CERK: variants seen among roughly 807,000 people sequenced by gnomAD.
CERK encodes the protein ceramide kinase.
CERK carries 39 observed loss-of-function variants against 63.4 expected under a neutral mutation model. The ratio of observed to expected loss-of-function variants is 0.61; its 90% CI spans 0.48 to 0.80. The LOEUF is 0.80. Among genes scored for constraint, CERK ranks in the 30% least tolerant of loss-of-function variants. CERK has a pLI of 0.00. For missense variants in CERK, 670 were observed against 714.1 expected (o/e 0.94, Z 0.70); for synonymous variants, 302 against 280.0 (o/e 1.08, Z -0.78).
At chr22:46,692,579 G>A (rs1370999086) in intron 10 of CERK, among the ~76,000 whole-genome samples, 1 of 152,062 alleles carries the variant, frequency 6.6e-6, no homozygotes, top group African/African-American at 2.4e-5. Context: ...TCCAGCCTGG[G>A]TGATGGAACA....
chr22:46,720,528 T>C (rs1485120029), intron 2 of CERK, among the ~76,000 whole-genome samples: 1 of 151,832 alleles, frequency 6.6e-6, no homozygotes, highest in Non-Finnish European at 1.5e-5. Flanking sequence ...AACCCCGTCT[T>C]TACTTAAAAT....
At chr22:46,698,785 C>T (rs2082768803) in intron 8 of CERK, among the ~76,000 whole-genome samples, 1 of 151,822 alleles carries the variant, frequency 6.6e-6, no homozygotes, top group African/African-American at 2.4e-5. Context: ...CCTGTAGTCC[C>T]AGCTACTCGG....
chr22:46,714,172 G>A lies in CERK; in HGVS notation c.380-1879C>T, dbSNP rs1023961857. Among the ~76,000 whole-genome samples the A allele has an allele frequency of 1.3e-5, 2 of 152,240 alleles. No homozygotes were observed. Among genetic ancestry groups the A allele is most frequent in the Non-Finnish European group, 2.9e-5 (2 of 68,048 alleles). On this transcript the variant is annotated intron_variant, in intron 3 of 12. Transcript: ENST00000216264. The surrounding 1 kb of genome is among the most constrained non-coding windows in gnomAD (Gnocchi z 4.4). Reference sequence around the variant, plus strand: ...TGTAATTCCAGCTGCTCAGGAGGCTGAGGCAGGAGAATCACTTGAACCCAG... The same window carrying A: ...TGTAATTCCAGCTGCTCAGGAGGCTAAGGCAGGAGAATCACTTGAACCCAG...
chr22:46,725,538 A>G (rs1396141590), intron 1 of CERK, among the ~76,000 whole-genome samples: 1 of 152,230 alleles, frequency 6.6e-6, no homozygotes, highest in Non-Finnish European at 1.5e-5. Flanking sequence ...AACACACCTG[A>G]CCCAGGTGGA....
intron 1 of CERK, among the ~76,000 whole-genome samples, chr22:46,724,448 C>T (rs2146586291): frequency 6.6e-6 from 1 of 152,288 alleles, no homozygotes; most frequent in South Asian, 2.1e-4. Flanking sequence ...CTGGGTGCGG[C>T]TCAGGACAAG....
At chr22:46,701,597 C>CCGGCTG (rs1319503537) in intron 7 of CERK, 39 bp downstream of exon 7, 9 of 1,534,102 alleles carry the variant, frequency 5.9e-6, no homozygotes, top group Non-Finnish European at 7.9e-6. Flanking sequence ...CGCAGGAGGC[C>CCGGCTG]CGGCTGCCAC....
chr22:46,703,535 C>G (rs2082797976), intron 6 of CERK, among the ~76,000 whole-genome samples: 1 of 152,164 alleles, frequency 6.6e-6, no homozygotes, highest in African/African-American at 2.4e-5. Flanking sequence ...CCAGGCTGCT[C>G]CCCAGGTTGC....
At chr22:46,724,614 A>AG (rs1189356123) in intron 1 of CERK, among the ~76,000 whole-genome samples, 4 of 152,180 alleles carry the variant, frequency 2.6e-5, no homozygotes, top group African/African-American at 9.7e-5. Context: ...CATGGTGTAA[A>AG]GGGGGTGGAG....
chr22:46,710,818 G>A (rs135700), intron 5 of CERK, among the ~76,000 whole-genome samples: 25,025 of 152,212 alleles, frequency 0.16, 2,542 homozygotes, highest in Middle Eastern at 0.32. Flanking sequence ...TGTCTACACA[G>A]CACCGCATAA....
intron 11 of CERK, among the ~76,000 whole-genome samples, chr22:46,691,134 G>T (rs1438576879): frequency 1.3e-5 from 2 of 151,960 alleles, no homozygotes. Context: ...GAGTGCAGTT[G>T]CGTGATCTCA....
rs570623524 is a variant in CERK at position 46,720,404 on chromosome 22, A to G, written c.257-196T>C. On this transcript the variant is annotated intron_variant, in intron 2 of 12. Coordinates refer to ENST00000216264, the MANE Select transcript of CERK (RefSeq NM_022766.6). Reference sequence around the variant, plus strand: ...ATCTTTCAAACCTTTTAAGTCATATAAGGGAAAAGGGCTGGCTGTGATGAC... The same window carrying G: ...ATCTTTCAAACCTTTTAAGTCATATGAGGGAAAAGGGCTGGCTGTGATGAC... Among the ~76,000 whole-genome samples the G allele has an allele frequency of 2.6e-5, 4 of 152,316 alleles. No individual in the cohort carries two copies. The East Asian group carries it at 7.7e-4, about 29-fold the overall frequency.
At chr22:46,717,649 C>T (rs955377612) in intron 3 of CERK, among the ~76,000 whole-genome samples, 2 of 152,232 alleles carry the variant, frequency 1.3e-5, no homozygotes, top group Non-Finnish European at 2.9e-5. Flanking sequence ...AGCAGTGGTT[C>T]CCCTTTGGGG....
chr22:46,690,416 G>T (rs549807477), intron 11 of CERK, among the ~76,000 whole-genome samples: 1 of 151,746 alleles, frequency 6.6e-6, no homozygotes, highest in East Asian at 1.9e-4. Context: ...CACCTTTCCC[G>T]GCGCCCACCT....
At chr22:46,708,330 C>T (rs1332588800) in intron 5 of CERK, among the ~76,000 whole-genome samples, 1 of 152,240 alleles carries the variant, frequency 6.6e-6, no homozygotes, top group Non-Finnish European at 1.5e-5. Flanking sequence ...GAAGAGTACA[C>T]CTGTGCTGCT....
chr22:46,726,345 A>G (rs544932768), intron 1 of CERK, among the ~76,000 whole-genome samples: 2 of 152,290 alleles, frequency 1.3e-5, no homozygotes, highest in South Asian at 2.1e-4. Context: ...AGGGTGAGAG[A>G]GCAGGCCGCT....
intron 8 of CERK, among the ~76,000 whole-genome samples, chr22:46,696,591 C>T (rs758607878): frequency 1.3e-5 from 2 of 152,236 alleles, no homozygotes; most frequent in Admixed American, 6.5e-5. Context: ...TAAAACTCCA[C>T]GTGTCTCAAC....
At chr22:46,707,779 T>C in intron 6 of CERK, 64 bp downstream of exon 6, 1 of 1,536,862 alleles carries the variant, frequency 6.5e-7, no homozygotes, top group South Asian at 1.2e-5. Flanking sequence ...AGGTGGCTAC[T>C]TGTGCAGAAC....
At chr22:46,728,630 C>T (rs775985068) in intron 1 of CERK, among the ~76,000 whole-genome samples, 1 of 152,176 alleles carries the variant, frequency 6.6e-6, no homozygotes, top group Non-Finnish European at 1.5e-5. Flanking sequence ...GAACCAAGCC[C>T]GACCGCCTGT....
In CERK at chr22:46,727,710, C is replaced by T. The variant is rs190778913; in HGVS notation, c.143-6695G>A. 2.2e-3 allele frequency among the ~76,000 whole-genome samples: 342 copies of T among 152,286 alleles called. 2 individuals carry two copies. The highest frequency in any genetic ancestry group is 3.8e-3 in the Non-Finnish European group (260 of 68,028). ...ACCAGCCTAAGGGTGCTGTGGTCCGCGTGCCCCACTCTCAGGCAGGGGCCT... is the reference window on the plus strand; with the variant it reads ...ACCAGCCTAAGGGTGCTGTGGTCCGTGTGCCCCACTCTCAGGCAGGGGCCT... On this transcript the variant is annotated intron_variant, in intron 1 of 12. Coordinates refer to ENST00000216264, the MANE Select transcript of CERK (RefSeq NM_022766.6).
Sources: allele counts gnomAD v4.1 joint callset (sites outside exome capture counted in the v4.1 genomes callset), GRCh38; gene constraint gnomAD v4.1.1; non-coding constraint Gnocchi (gnomAD v3.1); transcripts MANE v1.5; gene names NCBI Gene and HGNC (gene_info 2026-07-23, HGNC 2026-07-21).